Variants in MAPK8 observed in about 807,000 individuals in gnomAD.
MAPK8 encodes mitogen-activated protein kinase 8, also known as JUN N-terminal kinase.
In MAPK8, 13 loss-of-function variants were observed where a neutral mutation model predicts 52.9. The observed-to-expected ratio is 0.25, with a 90% CI of 0.16 to 0.39. The LOEUF (loss-of-function observed/expected upper bound fraction) is 0.39, where lower values mean the gene tolerates loss of function less well. MAPK8 is among the 10% of genes least tolerant of loss of function. The pLI, the probability that MAPK8 is intolerant of heterozygous loss-of-function variation, is 1.00. For synonymous variants in MAPK8, 191 were observed against 169.8 expected (o/e 1.12, Z -0.97); for missense variants, 300 against 519.2 (o/e 0.58, Z 4.10).
chr10:48,401,776 T>C lies in MAPK8; in HGVS notation c.116T>C (p.Ile39Thr), dbSNP rs1664423061. The C allele has an allele frequency of 1.3e-6, 2 of 1,496,188 alleles. No individual in the cohort carries two copies. The highest frequency in any genetic ancestry group is 1.8e-6 in the Non-Finnish European group (2 of 1,126,910). The allele number at this position is 1,496,188 out of a possible 1,614,324, so 92.7% of individuals were successfully genotyped here. ...CCTATAGGCTCAGGAGCTCAAGGAA[T>C]AGTATGGTAAGTGTTTACTTCCAAA... is the stretch of plus-strand genomic sequence containing the variant. Reference protein sequence around the residue: ...LKPIGSGAQGIVCAAYDAILE... With the variant: ...LKPIGSGAQGTVCAAYDAILE... The change falls in exon 2 of 12, where the codon ATA becomes ACA. Residue 39 changes from isoleucine (I) to threonine (T), a missense_variant. This residue lies in a region of MAPK8 where 147 missense variants were observed against 328.1 expected (regional missense o/e 0.45). Coordinates refer to ENST00000374189, the MANE Select transcript of MAPK8 (RefSeq NM_001323329.2).
chr10:48,334,508 T>C (rs940160740), intron 1 of MAPK8, among the ~76,000 whole-genome samples: 1 of 152,204 alleles, frequency 6.6e-6, no homozygotes, highest in African/African-American at 2.4e-5. Flanking sequence ...CCTTGGCTTG[T>C]GCATGAGGTT....
At chr10:48,417,924 A>G (rs1778355050) in intron 5 of MAPK8, among the ~76,000 whole-genome samples, 1 of 152,194 alleles carries the variant, frequency 6.6e-6, no homozygotes, top group South Asian at 2.1e-4. Flanking sequence ...TTTGCTTTCC[A>G]GTCTTTTCTA....
chr10:48,386,624 C>T (rs1287156740), intron 1 of MAPK8, among the ~76,000 whole-genome samples: 1 of 152,058 alleles, frequency 6.6e-6, no homozygotes, highest in Non-Finnish European at 1.5e-5. Flanking sequence ...ATGGTAATAT[C>T]ATACCCATAT....
intron 1 of MAPK8, among the ~76,000 whole-genome samples, chr10:48,308,942 G>A (rs1841673751): frequency 6.6e-6 from 1 of 152,170 alleles, no homozygotes. Flanking sequence ...TATGAAATGA[G>A]TTAACTAATG....
chr10:48,427,326 C>G (rs1371885814), intron 10 of MAPK8, 183 bp downstream of exon 10: 10 of 478,672 alleles, frequency 2.1e-5, no homozygotes, highest in Non-Finnish European at 3.4e-5. Flanking sequence ...CTTAAGTTCC[C>G]AAGTTTCCCA....
At chr10:48,308,376 C>T (rs1478403847) in intron 1 of MAPK8, 1 of 152,170 alleles carries the variant, frequency 6.6e-6, no homozygotes, top group Non-Finnish European at 1.5e-5. Context: ...CCGTAATGTT[C>T]TCCATAAAGT....
At chr10:48,403,582 A>C (rs952081499) in intron 2 of MAPK8, among the ~76,000 whole-genome samples, 1 of 152,186 alleles carries the variant, frequency 6.6e-6, no homozygotes, top group Non-Finnish European at 1.5e-5. Context: ...AAATTATAGA[A>C]GTTGGAGTCA....
chr10:48,416,586 C>T (rs936529023), intron 5 of MAPK8, among the ~76,000 whole-genome samples: 4 of 152,148 alleles, frequency 2.6e-5, no homozygotes, highest in Non-Finnish European at 5.9e-5. Context: ...ACTGGAATGA[C>T]CAAATTATAT....
intron 11 of MAPK8, 38 bp downstream of exon 11, chr10:48,431,308 ACTT>A: frequency 7.1e-7 from 1 of 1,408,240 alleles, no homozygotes; most frequent in African/African-American, 1.4e-5. Context: ...ATTACAGTTT[ACTT>A]CTTGTGTTGT....
chr10:48,374,387 T>C (rs1041486016), intron 1 of MAPK8, among the ~76,000 whole-genome samples: 9 of 151,650 alleles, frequency 5.9e-5, no homozygotes, highest in African/African-American at 2.2e-4. Flanking sequence ...AAAAAATAAC[T>C]AAGATCAGAG....
intron 1 of MAPK8, among the ~76,000 whole-genome samples, chr10:48,364,358 A>G (rs1396585852): frequency 6.6e-6 from 1 of 152,052 alleles, no homozygotes; most frequent in Non-Finnish European, 1.5e-5. Context: ...GAAATGGCTC[A>G]TTAGAGCTTA....
intron 1 of MAPK8, among the ~76,000 whole-genome samples, chr10:48,345,001 A>G (rs1031212268): frequency 1.3e-5 from 2 of 152,212 alleles, no homozygotes; most frequent in South Asian, 4.1e-4. Flanking sequence ...AAAGTTTTTT[A>G]AAAAAATCCG....
At chr10:48,399,363 G>T (rs1272392854) in intron 1 of MAPK8, among the ~76,000 whole-genome samples, 1 of 152,208 alleles carries the variant, frequency 6.6e-6, no homozygotes, top group Non-Finnish European at 1.5e-5. Flanking sequence ...TTCTGTTCTT[G>T]TAAGTGGCAG....
chr10:48,386,668 C>T (rs1425525766), intron 1 of MAPK8, among the ~76,000 whole-genome samples: 1 of 152,110 alleles, frequency 6.6e-6, no homozygotes, highest in Admixed American at 6.6e-5. Flanking sequence ...ATTGTTTAAA[C>T]AGTAGCCAAA....
At chr10:48,411,686 C>T (rs1423911575) in intron 5 of MAPK8, among the ~76,000 whole-genome samples, 2 of 152,184 alleles carry the variant, frequency 1.3e-5, no homozygotes, top group Non-Finnish European at 2.9e-5. Context: ...TTCATTGCAT[C>T]TGTAGATTGC....
At chr10:48,405,577 G>A (rs2042420553) in intron 3 of MAPK8, among the ~76,000 whole-genome samples, 1 of 152,112 alleles carries the variant, frequency 6.6e-6, no homozygotes, top group Non-Finnish European at 1.5e-5. Flanking sequence ...TATATAAGTT[G>A]CACTCATTTT....
Position 48,434,968 on chromosome 10 carries a change from T to C in MAPK8, c.1223T>C (p.Leu408Ser), listed in dbSNP as rs1199331193. The change falls in exon 12 of 12, where the codon TTG becomes TCG. Residue 408 changes from leucine (L) to serine (S), a missense_variant. Leu to Ser is a moderately radical substitution (Grantham distance 145, BLOSUM62 -2). Transcript: ENST00000374189. ...TCTTCAATGTCAACAGATCCGACTT[T>C]GGCCTCTGATACAGACAGCAGTCTA... is the stretch of plus-strand genomic sequence containing the variant. ...DVSSMSTDPT[L>S]ASDTDSSLEA... 1 of 1,444,272 alleles carries C rather than the reference T, an allele frequency of 6.9e-7. No individual in the cohort carries two copies. Among genetic ancestry groups the C allele is most frequent in the South Asian group, 1.1e-5 (1 of 88,856 alleles). The allele number at this position is 1,444,272 out of a possible 1,614,324, so 89.5% of individuals were successfully genotyped here. A position where few individuals can be genotyped will look rare whatever the true frequency, so the allele number is the denominator to read the frequency against.
intron 3 of MAPK8, among the ~76,000 whole-genome samples, chr10:48,409,644 T>G (rs971395022): frequency 1.3e-5 from 2 of 152,214 alleles, no homozygotes; most frequent in South Asian, 4.1e-4. Context: ...TGTTCATAAA[T>G]GGAATTACAG....
chr10:48,414,275 T>C (rs1356709773), intron 5 of MAPK8, among the ~76,000 whole-genome samples: 2 of 152,162 alleles, frequency 1.3e-5, no homozygotes, highest in Non-Finnish European at 2.9e-5. Context: ...TTGACAAATA[T>C]TTCACTGTAT....
Sources: allele counts gnomAD v4.1 joint callset (sites outside exome capture counted in the v4.1 genomes callset), GRCh38; gene constraint gnomAD v4.1.1; regional missense constraint gnomAD v4.1.1; transcripts MANE v1.5; gene names NCBI Gene and HGNC (gene_info 2026-07-23, HGNC 2026-07-21).